The following CLASP2 variants were observed in gnomAD, a reference collection of about 807,000 sequenced individuals.
CLASP2 encodes CLIP-associating protein 2.
CLASP2 carries 47 observed loss-of-function variants against 194.4 expected under a neutral mutation model. The ratio of observed to expected loss-of-function variants is 0.24; its 90% CI spans 0.19 to 0.31. The LOEUF (loss-of-function observed/expected upper bound fraction) is 0.31, where lower values mean the gene tolerates loss of function less well. Among genes scored for constraint, CLASP2 ranks in the 10% least tolerant of loss-of-function variants. CLASP2 has a pLI of 1.00. For synonymous variants in CLASP2, 619 were observed against 633.5 expected, an observed-to-expected ratio of 0.98 and a Z score of 0.34; for missense variants, 1,445 against 1,823.6, an observed-to-expected ratio of 0.79 and a Z score of 3.78.
intron 1 of CLASP2, among the ~76,000 whole-genome samples, chr3:33,706,878 C>CT (rs1381390017): frequency 1.3e-5 from 2 of 151,878 alleles, no homozygotes; most frequent in Non-Finnish European, 2.9e-5. Flanking sequence ...CATAAGAGCA[C>CT]TGCTTGAGCC....
chr3:33,717,978 A>C lies in CLASP2; in HGVS notation c.25T>G (p.Phe9Val). The C allele has an allele frequency of 6.5e-7, 1 of 1,536,670 alleles. No individual in the cohort carries two copies. The highest frequency in any genetic ancestry group is 8.7e-7 in the Non-Finnish European group (1 of 1,144,252). The change falls in exon 1 of 39, where the codon TTC becomes GTC. Residue 9 changes from phenylalanine to valine, a missense_variant. Transcript: ENST00000682230. ...TCCTTCTGCTGCACCTGGGCGCAGAAGTACTCCATGCTGCGGGGCTCCATG... is the reference window on the plus strand; with the variant it reads ...TCCTTCTGCTGCACCTGGGCGCAGACGTACTCCATGCTGCGGGGCTCCATG... Reference protein sequence around the residue: MEPRSMEYFCAQVQQKDVG... With the variant: MEPRSMEYVCAQVQQKDVG...
At chr3:33,646,831 G>T (rs564008048) in intron 7 of CLASP2, among the ~76,000 whole-genome samples, 1 of 152,090 alleles carries the variant, frequency 6.6e-6, no homozygotes, top group Non-Finnish European at 1.5e-5. Context: ...TACCAGCATC[G>T]TGTAAGTACC....
rs75052860 is a variant in CLASP2, at chr3:33,661,140, T to G, written c.715+2305A>C. ...ATTTTTTCATCTAATGGTCTTTCAC[T>G]TGGCAGCAGGGTATTTAGGAATAAT... On this transcript the variant is annotated intron_variant, in intron 7 of 38. Coordinates refer to ENST00000682230, the MANE Select transcript of CLASP2 (RefSeq NM_001365631.1). Among the ~76,000 whole-genome samples, 388 of 152,348 alleles carry G rather than the reference T, an allele frequency of 2.5e-3. 14 individuals are homozygous for G. In the East Asian group the frequency reaches 0.069, roughly 27 times the overall value.
chr3:33,649,355 T>C (rs1467614553), intron 7 of CLASP2, among the ~76,000 whole-genome samples: 2 of 152,198 alleles, frequency 1.3e-5, no homozygotes, highest in Non-Finnish European at 2.9e-5. Flanking sequence ...TACTGAAATA[T>C]ATGAGCTGTG....
intron 30 of CLASP2, among the ~76,000 whole-genome samples, chr3:33,550,854 A>C (rs1446295060): frequency 6.6e-6 from 1 of 152,210 alleles, no homozygotes; most frequent in Non-Finnish European, 1.5e-5. Flanking sequence ...AAGTATGAGA[A>C]AGCTAGGTCC....
intron 6 of CLASP2, among the ~76,000 whole-genome samples, chr3:33,667,406 CAAAAAAA>C (rs537846651): frequency 6.8e-5 from 3 of 44,148 alleles, no homozygotes; most frequent in Non-Finnish European, 7.9e-5. Context: ...GAGACTATCT[CAAAAAAA>C]AAAAAAAAAA....
At chr3:33,692,013 T>C (rs1198651329) in intron 2 of CLASP2, among the ~76,000 whole-genome samples, 1 of 152,014 alleles carries the variant, frequency 6.6e-6, no homozygotes, top group Non-Finnish European at 1.5e-5. Context: ...CCACTAAAAC[T>C]ATAAAAATTA....
At chr3:33,512,597 A>G (rs1186545982) in intron 36 of CLASP2, among the ~76,000 whole-genome samples, 1 of 148,784 alleles carries the variant, frequency 6.7e-6, no homozygotes, top group East Asian at 2.0e-4. Flanking sequence ...AACACGTAAA[A>G]ATAACTGCTT....
chr3:33,688,435 C>A lies in CLASP2; in HGVS notation c.379-67G>T. ...TTATTCATGTTATAATCTTTTATTT[C>A]TTCCCAATCTTACTACCAACCTTAT... is the stretch of plus-strand genomic sequence containing the variant. On this transcript the variant is annotated intron_variant, in intron 3 of 38. Coordinates refer to ENST00000682230, the MANE Select transcript of CLASP2 (RefSeq NM_001365631.1). 3 of 1,162,596 alleles carry A rather than the reference C, an allele frequency of 2.6e-6. No homozygotes were observed. In the South Asian group the frequency reaches 4.3e-5, roughly 17 times the overall value. 72.0% of individuals were successfully genotyped at this position (1,162,596 alleles called of 1,614,324 possible). A position where few individuals can be genotyped will look rare whatever the true frequency, so the allele number is the denominator to read the frequency against.
chr3:33,570,559 C>A, intron 26 of CLASP2, 168 bp downstream of exon 26: 1 of 791,374 alleles, frequency 1.3e-6, no homozygotes, highest in Non-Finnish European at 2.0e-6. Flanking sequence ...AAATAGTTAC[C>A]AGAGATTAAT....
At chr3:33,548,346 G>A (rs2059469940) in intron 30 of CLASP2, among the ~76,000 whole-genome samples, 1 of 151,796 alleles carries the variant, frequency 6.6e-6, no homozygotes, top group African/African-American at 2.4e-5. Flanking sequence ...TGCCCGGGCT[G>A]GAGTGCAGTG....
intron 6 of CLASP2, among the ~76,000 whole-genome samples, chr3:33,672,000 C>T (rs1446051453): frequency 6.6e-6 from 1 of 152,214 alleles, no homozygotes; most frequent in East Asian, 1.9e-4. Flanking sequence ...CTGTAGGCTC[C>T]ACCTCTGGGG....
At chr3:33,607,546 T>G in intron 14 of CLASP2, 85 bp from the exon 15 acceptor site, 1 of 824,178 alleles carries the variant, frequency 1.2e-6, no homozygotes, top group East Asian at 2.8e-5. Flanking sequence ...TGTTACATAT[T>G]AATCACAAAC....
chr3:33,524,061 A>C (rs1252212610), intron 34 of CLASP2, among the ~76,000 whole-genome samples: 1 of 152,220 alleles, frequency 6.6e-6, no homozygotes, highest in Non-Finnish European at 1.5e-5. Context: ...CAGAAAACAA[A>C]TAGCAACATG....
chr3:33,578,359 A>T (rs1047286495), intron 23 of CLASP2, among the ~76,000 whole-genome samples: 1 of 152,228 alleles, frequency 6.6e-6, no homozygotes, highest in Admixed American at 6.5e-5. Flanking sequence ...CATATTTTGC[A>T]TAACACCATA....
chr3:33,542,077 C>A (rs939707991), intron 32 of CLASP2, among the ~76,000 whole-genome samples: 1 of 152,046 alleles, frequency 6.6e-6, no homozygotes, highest in Non-Finnish European at 1.5e-5. Flanking sequence ...ATTTGCATTT[C>A]TCTGATGATC....
At position 33,510,477 on chromosome 3, in the gene CLASP2, G is replaced by A. The variant is rs144611126; in HGVS notation, c.4317+81C>T. 34 of 1,298,954 alleles carry A rather than the reference G, an allele frequency of 2.6e-5. No homozygotes were observed. In the East Asian group the frequency reaches 7.7e-4, roughly 30 times the overall value. The allele number at this position is 1,298,954 out of a possible 1,614,324, so 80.5% of individuals were successfully genotyped here. A position where few individuals can be genotyped will look rare whatever the true frequency, so the allele number is the denominator to read the frequency against. ...ACGGGAGGAAGGCTTGATCATGCCA[G>A]TAATGATGCCTGGAAAGTACCTAAA... On this transcript the variant is annotated intron_variant, in intron 37 of 38. Transcript: ENST00000682230.
chr3:33,681,434 C>T (rs2089843620), intron 6 of CLASP2, among the ~76,000 whole-genome samples: 1 of 134,622 alleles, frequency 7.4e-6, no homozygotes. Context: ...CACATCACCA[C>T]CCGTAAAGTC....
chr3:33,635,013 A>C (rs1234605879), intron 8 of CLASP2, among the ~76,000 whole-genome samples: 1 of 152,174 alleles, frequency 6.6e-6, no homozygotes, highest in Non-Finnish European at 1.5e-5. Flanking sequence ...GTAATCTGGG[A>C]GGCTGAGCCA....
Sources: gnomAD v4.1 joint callset for allele counts (sites outside exome capture counted in the v4.1 genomes callset) on GRCh38, gnomAD v4.1.1 for gene constraint, MANE v1.5 for transcripts, NCBI Gene and HGNC (gene_info 2026-07-23, HGNC 2026-07-21) for gene names.